Variants in SAMD7 observed in about 807,000 individuals in gnomAD.
SAMD7 encodes sterile alpha motif domain containing 7, also known as sterile alpha motif domain-containing protein 7.
In SAMD7, 34 loss-of-function variants were observed where a neutral mutation model predicts 36.7. The ratio of observed to expected loss-of-function variants is 0.93; its 90% CI spans 0.71 to 1.23. SAMD7 has a LOEUF of 1.23. SAMD7 is among the 50% of genes most tolerant of loss of function. The pLI, the probability that SAMD7 is intolerant of heterozygous loss-of-function variation, is 0.00. For synonymous variants in SAMD7, 188 were observed against 189.7 expected (o/e 0.99, Z 0.07); for missense variants, 570 against 546.6 (o/e 1.04, Z -0.43).
intron 1 of SAMD7, among the ~76,000 whole-genome samples, chr3:169,915,048 C>T (rs1020106951): frequency 1.3e-5 from 2 of 152,184 alleles, no homozygotes; most frequent in African/African-American, 4.8e-5. Flanking sequence ...AAGGTTTTCT[C>T]CTGCACCACA....
chr3:169,921,418 C>T, intron 4 of SAMD7, 80 bp downstream of exon 4: 1 of 1,459,528 alleles, frequency 6.9e-7, no homozygotes, highest in Non-Finnish European at 9.5e-7. Context: ...CATCAAATTA[C>T]TCCTAAATTT....
intron 4 of SAMD7, 95 bp downstream of exon 4, chr3:169,921,433 G>A: frequency 7.7e-7 from 1 of 1,301,858 alleles, no homozygotes; most frequent in South Asian, 1.3e-5. Context: ...AAATTTTGGA[G>A]GCAGATCTGT....
rs759570478 is a variant in SAMD7, at chr3:169,920,162, G to A, written c.86+578G>A. On this transcript the variant is annotated intron_variant, in intron 3 of 8. Transcript: ENST00000335556. ...GCACTCCAGCCTGGGCAACAAGAGC[G>A]AAACTCCATCTCAGAAAAAATAAAC... Among the ~76,000 whole-genome samples, 13 of 152,116 alleles carry A rather than the reference G, an allele frequency of 8.5e-5. 1 individual carries two copies. Among genetic ancestry groups the A allele is most frequent in the South Asian group, 4.1e-4 (2 of 4,828 alleles).
chr3:169,917,526 C>T (rs1325583809), intron 2 of SAMD7, among the ~76,000 whole-genome samples: 3 of 152,104 alleles, frequency 2.0e-5, no homozygotes, highest in African/African-American at 4.8e-5. Context: ...ATAATAATCA[C>T]ATCAGGGTAA....
In SAMD7 at chr3:169,938,400, C is replaced by T. The variant is rs138055938; in HGVS notation, c.1235C>T (p.Thr412Ile). ...IRQAFDQPAD[T>I]SPLLDPNSWS... ...CAAGCATTTGATCAACCAGCAGATA[C>T]ATCCCCTCTTCTGGATCCTAATTCC... is the stretch of plus-strand genomic sequence containing the variant. The change falls in exon 9 of 9, where the codon ACA becomes ATA. Residue 412 changes from threonine (T) to isoleucine (I), a missense_variant. By Grantham distance (89) the Thr-to-Ile change is moderately conservative. Transcript: ENST00000335556. 1,027 of 1,608,704 alleles carry T rather than the reference C, an allele frequency of 6.4e-4. 2 individuals carry two copies. The highest frequency in any genetic ancestry group is 4.6e-3 in the African/African-American group (346 of 74,950).
chr3:169,936,744 G>C (rs1018434090), intron 8 of SAMD7, among the ~76,000 whole-genome samples: 21 of 151,938 alleles, frequency 1.4e-4, no homozygotes, highest in African/African-American at 5.1e-4. Context: ...AATTTCTGTG[G>C]TGTAAATTAC....
At chr3:169,930,188 A>G (rs1319551289) in intron 7 of SAMD7, among the ~76,000 whole-genome samples, 1 of 152,226 alleles carries the variant, frequency 6.6e-6, no homozygotes, top group East Asian at 1.9e-4. Context: ...GTGGGTACAC[A>G]GAAGTCACAT....
At chr3:169,933,633 GT>G (rs1713606207) in intron 7 of SAMD7, among the ~76,000 whole-genome samples, 1 of 152,218 alleles carries the variant, frequency 6.6e-6, no homozygotes, top group Non-Finnish European at 1.5e-5. Context: ...AAAAATATAT[GT>G]ATACATTCAT....
intron 1 of SAMD7, among the ~76,000 whole-genome samples, chr3:169,913,444 T>G (rs1434612229): frequency 6.6e-6 from 1 of 152,218 alleles, no homozygotes; most frequent in Non-Finnish European, 1.5e-5. Context: ...GTTCATGTCT[T>G]ACTACTACTG....
chr3:169,935,499 TTTTTG>T (rs141323031), intron 7 of SAMD7, among the ~76,000 whole-genome samples: 3,091 of 151,844 alleles, frequency 0.02, 68 homozygotes, highest in Admixed American at 0.058. Context: ...TGTTTTCTGT[TTTTTG>T]TTTTGTTTTG....
At chr3:169,916,544 A>T (rs550514286) in intron 2 of SAMD7, among the ~76,000 whole-genome samples, 13 of 152,124 alleles carry the variant, frequency 8.5e-5, no homozygotes, top group Non-Finnish European at 1.6e-4. Context: ...GCTACCGAGG[A>T]GGCTGAGGCA....
chr3:169,936,466 T>A lies in SAMD7; in HGVS notation c.1152+17T>A. ...CAGTCACAGGTATGGTGATTTTATA[T>A]AACTAATTATGTATTAATGGCACAA... On this transcript the variant is annotated intron_variant, in intron 8 of 8. Coordinates refer to ENST00000335556, the MANE Select transcript of SAMD7 (RefSeq NM_001304366.2). The A allele has an allele frequency of 7.6e-7, 1 of 1,320,250 alleles. No individual in the cohort carries two copies. The highest frequency in any genetic ancestry group is 1.1e-6 in the Non-Finnish European group (1 of 914,968). 81.8% of individuals were successfully genotyped at this position (1,320,250 alleles called of 1,614,324 possible).
intron 7 of SAMD7, among the ~76,000 whole-genome samples, chr3:169,930,903 A>G (rs1005478189): frequency 6.6e-6 from 1 of 151,996 alleles, no homozygotes; most frequent in Non-Finnish European, 1.5e-5. Context: ...TCTTTAAATG[A>G]GTTGGACCAA....
chr3:169,928,671 A>T (rs1163824017), intron 7 of SAMD7, 93 bp downstream of exon 7: 1 of 1,286,578 alleles, frequency 7.8e-7, no homozygotes, highest in Non-Finnish European at 1.1e-6. Context: ...TTGTGCCTCC[A>T]GAAAGGATTC....
At chr3:169,925,375 A>T (rs1281301887) in intron 5 of SAMD7, among the ~76,000 whole-genome samples, 2 of 152,004 alleles carry the variant, frequency 1.3e-5, no homozygotes, top group Non-Finnish European at 2.9e-5. Context: ...ACTTAAAAAA[A>T]AAAAGAAAAA....
intron 7 of SAMD7, among the ~76,000 whole-genome samples, chr3:169,935,828 A>C (rs1237825910): frequency 6.6e-6 from 1 of 152,178 alleles, no homozygotes; most frequent in Non-Finnish European, 1.5e-5. Context: ...GACCTGCTGG[A>C]AAGGTCCGGT....
At chr3:169,937,942 T>C (rs1255796869) in intron 8 of SAMD7, among the ~76,000 whole-genome samples, 3 of 152,220 alleles carry the variant, frequency 2.0e-5, no homozygotes, top group Non-Finnish European at 2.9e-5. Context: ...GTCAGTCTTC[T>C]GCTCAAGATT....
chr3:169,924,384 C>T (rs1304401821), intron 4 of SAMD7, among the ~76,000 whole-genome samples: 3 of 151,778 alleles, frequency 2.0e-5, no homozygotes, highest in African/African-American at 7.3e-5. Context: ...GTCAGGAGAT[C>T]GAGACCAGCC....
At chr3:169,932,513 G>A (rs999335225) in intron 7 of SAMD7, 21 of 563,880 alleles carry the variant, frequency 3.7e-5, no homozygotes, top group Admixed American at 9.9e-5. Flanking sequence ...GGGCAGATCC[G>A]TTCATCTTCA....
Sources: gnomAD v4.1 joint callset for allele counts (sites outside exome capture counted in the v4.1 genomes callset) on GRCh38, gnomAD v4.1.1 for gene constraint, MANE v1.5 for transcripts, NCBI Gene and HGNC (gene_info 2026-07-23, HGNC 2026-07-21) for gene names.